Variants in DPP10 observed in about 807,000 individuals in gnomAD.
DPP10 encodes dipeptidyl peptidase like 10.
DPP10 carries 33 observed loss-of-function variants against 120.9 expected under a neutral mutation model. The observed-to-expected ratio is 0.27, with a 90% confidence interval of 0.21 to 0.37. The LOEUF is 0.37. Ranked by LOEUF, DPP10 falls within the 10% of genes least tolerant of loss-of-function variation. DPP10 has a pLI of 1.00. For missense variants in DPP10, 816 were observed against 942.8 expected, an observed-to-expected ratio of 0.87 and a Z score of 1.76; for synonymous variants, 337 against 326.1, an observed-to-expected ratio of 1.03 and a Z score of -0.36.
chr2:115,763,760 A>C (rs188454261), intron 12 of DPP10, among the ~76,000 whole-genome samples: 2 of 152,266 alleles, frequency 1.3e-5, no homozygotes, highest in South Asian at 2.1e-4. Context: ...TCATACTTGC[A>C]CTTCCACAAC....
chr2:114,645,936 C>T lies in DPP10; in HGVS notation c.60+203098C>T, dbSNP rs192578550. On this transcript the variant is annotated intron_variant, in intron 1 of 25. Transcript: ENST00000410059. ...TCAGCACTTTGGGAGGCAAGGCAGG[C>T]GGATCATGAGGTCAGGAGTTTGAGA... 1.4e-4 allele frequency among the ~76,000 whole-genome samples: 22 copies of T among 152,020 alleles called. No homozygotes were observed. The East Asian group carries it at 2.3e-3, about 16-fold the overall frequency.
chr2:114,473,838 T>C (rs535016319), intron 1 of DPP10, among the ~76,000 whole-genome samples: 74 of 152,234 alleles, frequency 4.9e-4, no homozygotes, highest in Non-Finnish European at 9.7e-4. Flanking sequence ...AAGATACATA[T>C]ACATATTTGT....
At chr2:114,879,766 G>A (rs1691456230) in intron 1 of DPP10, among the ~76,000 whole-genome samples, 1 of 152,120 alleles carries the variant, frequency 6.6e-6, no homozygotes, top group Non-Finnish European at 1.5e-5. Context: ...GGACTTCTAA[G>A]TCATCTTATG....
chr2:115,092,561 T>C (rs1361504542), intron 1 of DPP10, among the ~76,000 whole-genome samples: 1 of 152,164 alleles, frequency 6.6e-6, no homozygotes, highest in East Asian at 1.9e-4. Context: ...GCTTTTTGTT[T>C]TGATTTTCAG....
intron 1 of DPP10, among the ~76,000 whole-genome samples, chr2:114,478,921 TA>T (rs1211209844): frequency 1.3e-5 from 2 of 148,368 alleles, no homozygotes; most frequent in African/African-American, 2.5e-5. Flanking sequence ...AGAAATCAAA[TA>T]AAATGTAAAT....
chr2:115,715,860 A>G (rs1575590977), intron 7 of DPP10, among the ~76,000 whole-genome samples: 1 of 152,192 alleles, frequency 6.6e-6, no homozygotes, highest in South Asian at 2.1e-4. Context: ...TGGCATTAAC[A>G]TTTGACAAAA....
intron 1 of DPP10, among the ~76,000 whole-genome samples, chr2:115,286,493 T>A (rs11123294): frequency 3.2e-4 from 3 of 9,254 alleles, no homozygotes; most frequent in South Asian, 5.0e-3. Context: ...ATATATATAA[T>A]ATATATATAT....
chr2:115,117,048 A>C (rs1056370126), intron 1 of DPP10, among the ~76,000 whole-genome samples: 1 of 152,154 alleles, frequency 6.6e-6, no homozygotes, highest in African/African-American at 2.4e-5. Flanking sequence ...AAACATGTTC[A>C]TATCTTATCC....
chr2:115,340,567 C>A (rs896296065), intron 2 of DPP10, among the ~76,000 whole-genome samples: 15 of 151,454 alleles, frequency 9.9e-5, no homozygotes, highest in African/African-American at 3.6e-4. Flanking sequence ...TGAAAGATAC[C>A]ATGTTTGAAA....
chr2:115,535,002 C>A (rs1348611070), intron 5 of DPP10, among the ~76,000 whole-genome samples: 1 of 148,154 alleles, frequency 6.7e-6, no homozygotes, highest in Non-Finnish European at 1.5e-5. Context: ...ATTGTAGATT[C>A]TGGATATTAG....
At chr2:115,169,359 T>C (rs1041131007) in intron 1 of DPP10, among the ~76,000 whole-genome samples, 1 of 152,198 alleles carries the variant, frequency 6.6e-6, no homozygotes, top group Non-Finnish European at 1.5e-5. Flanking sequence ...TTTCTTCTTT[T>C]ACAAAAGTAA....
chr2:114,698,009 T>G (rs1419622020), intron 1 of DPP10, among the ~76,000 whole-genome samples: 1 of 152,094 alleles, frequency 6.6e-6, no homozygotes, highest in African/African-American at 2.4e-5. Context: ...ATTTCAGAGA[T>G]GTATAAAAGA....
intron 1 of DPP10, among the ~76,000 whole-genome samples, chr2:114,799,935 T>A (rs552176432): frequency 3.3e-5 from 5 of 152,336 alleles, no homozygotes; most frequent in Admixed American, 3.3e-4. Context: ...TAGATGATAA[T>A]CTTGCATTTT....
intron 1 of DPP10, among the ~76,000 whole-genome samples, chr2:114,550,960 C>T (rs752495382): frequency 2.0e-5 from 3 of 152,148 alleles, no homozygotes; most frequent in Non-Finnish European, 4.4e-5. Flanking sequence ...AGAGTTCTTC[C>T]TACAGCACAG....
intron 1 of DPP10, among the ~76,000 whole-genome samples, chr2:114,886,155 C>T (rs976802929): frequency 1.3e-5 from 2 of 152,120 alleles, no homozygotes; most frequent in African/African-American, 4.8e-5. Flanking sequence ...GAAGAATGTA[C>T]ACTTTTATTT....
At chr2:115,092,820 T>A (rs1709394404) in intron 1 of DPP10, among the ~76,000 whole-genome samples, 1 of 152,186 alleles carries the variant, frequency 6.6e-6, no homozygotes, top group Admixed American at 6.5e-5. Flanking sequence ...TGAAGTATTA[T>A]AACTCATAAT....
intron 19 of DPP10, among the ~76,000 whole-genome samples, chr2:115,809,921 T>C (rs1342816639): frequency 1.3e-5 from 2 of 152,180 alleles, no homozygotes; most frequent in Non-Finnish European, 2.9e-5. Context: ...CCCAGCACTT[T>C]GGGAGGCCGA....
chr2:114,781,361 A>C (rs958513202), intron 1 of DPP10, among the ~76,000 whole-genome samples: 2 of 152,182 alleles, frequency 1.3e-5, no homozygotes, highest in Admixed American at 1.3e-4. Flanking sequence ...TTCAGAATGA[A>C]GCCAAACACT....
intron 5 of DPP10, among the ~76,000 whole-genome samples, chr2:115,651,127 G>T (rs183588081): frequency 3.9e-5 from 6 of 152,096 alleles, no homozygotes; most frequent in Admixed American, 3.9e-4. Context: ...GAGTCTTGCT[G>T]TCTCTGTGTT....
Sources: gnomAD v4.1 joint callset for allele counts (sites outside exome capture counted in the v4.1 genomes callset) on GRCh38, gnomAD v4.1.1 for gene constraint, MANE v1.5 for transcripts, NCBI Gene and HGNC (gene_info 2026-07-23, HGNC 2026-07-21) for gene names.